LHX2: variants seen among roughly 807,000 people sequenced by gnomAD.
LHX2 encodes the protein LIM/homeobox protein Lhx2.
LHX2 carries 6 observed loss-of-function variants against 33.0 expected under a neutral mutation model. The observed-to-expected ratio is 0.18, with a 90% CI of 0.10 to 0.36. The LOEUF (loss-of-function observed/expected upper bound fraction) is 0.36. Among genes scored for constraint, LHX2 ranks in the 10% least tolerant of loss-of-function variants. The pLI, the probability that LHX2 is intolerant of heterozygous loss-of-function variation, is 1.00. For synonymous variants in LHX2, 292 were observed against 253.1 expected (o/e 1.15, Z -1.46); for missense variants, 442 against 586.2 (o/e 0.75, Z 2.54).
intron 4 of LHX2, among the ~76,000 whole-genome samples, chr9:124,026,369 G>A (rs1337437523): frequency 6.6e-6 from 1 of 151,944 alleles, no homozygotes; most frequent in African/African-American, 2.4e-5. Context: ...GAGGCAGGAG[G>A]AGGATCGCTT....
chr9:124,030,240 C>A (rs1469225615), intron 4 of LHX2, among the ~76,000 whole-genome samples: 1 of 152,242 alleles, frequency 6.6e-6, no homozygotes. Flanking sequence ...AGGCCACAGG[C>A]CCCTGCAGCC....
In LHX2 at chr9:124,012,270, A is replaced by T; in HGVS notation, c.-79A>T. The T allele has an allele frequency of 7.5e-7, 1 of 1,334,142 alleles. No homozygotes were observed. The highest frequency in any genetic ancestry group is 1.6e-5 in the African/African-American group (1 of 64,142). 82.6% of individuals were successfully genotyped at this position (1,334,142 alleles called of 1,614,324 possible). On this transcript the variant is annotated 5_prime_UTR_variant, in exon 1 of 5. Coordinates refer to ENST00000373615, the MANE Select transcript of LHX2 (RefSeq NM_004789.4). This position sits in a 1 kb window ranked among gnomAD's most constrained non-coding sequence, Gnocchi z 4.3. Reference sequence around the variant, plus strand: ...GCGATGCACCGGGCCCGTTAGCGCCAGGAGCGCCAGGCAGCTGAGGCGGGG... The same window carrying T: ...GCGATGCACCGGGCCCGTTAGCGCCTGGAGCGCCAGGCAGCTGAGGCGGGG...
At position 124,032,861 on chromosome 9, in the gene LHX2, C is replaced by T. The variant is rs995207680; in HGVS notation, c.*154C>T. On this transcript the variant is annotated 3_prime_UTR_variant, in exon 5 of 5. Transcript: ENST00000373615. This position sits in a 1 kb window ranked among gnomAD's most constrained non-coding sequence, Gnocchi z 4.1. ...GAGGTAAAAAAAAGAAGTGTGCGCC[C>T]GGCTAATGCAGCGGTGTGGACCGAG... 2.5e-6 allele frequency: 2 copies of T among 801,288 alleles called. No individual in the cohort carries two copies. The highest frequency in any genetic ancestry group is 2.1e-5 in the South Asian group (1 of 48,448). 49.6% of individuals were successfully genotyped at this position (801,288 alleles called of 1,614,324 possible). A position where few individuals can be genotyped will look rare whatever the true frequency, so the allele number is the denominator to read the frequency against.
At chr9:124,028,454 CA>C (rs1828661169) in intron 4 of LHX2, among the ~76,000 whole-genome samples, 1 of 152,158 alleles carries the variant, frequency 6.6e-6, no homozygotes, top group Admixed American at 6.5e-5. Flanking sequence ...TTGTTGCTTG[CA>C]GCTGCCTAAG....
rs753512234 is a variant in LHX2 at position 124,015,213 on chromosome 9, A to C, written c.415A>C (p.Asn139His). The change falls in exon 3 of 5, where the codon AAC becomes CAC. Residue 139 changes from asparagine (N) to histidine (H), a missense_variant. By Grantham distance (68) the Asn-to-His change is moderately conservative (BLOSUM62 1). Around this residue, in one of 5 missense-constraint regions of LHX2, gnomAD observed 72 missense variants for 171.6 expected, o/e 0.42. Transcript: ENST00000373615. The surrounding 1 kb of genome is among the most constrained non-coding windows in gnomAD (Gnocchi z 7.9). ...CGCTCGGGACTTGGTTTATCACCTC[A>C]ACTGCTTCACGTGCACCACGTGTAA... is the stretch of plus-strand genomic sequence containing the variant. ...MRARDLVYHL[N>H]CFTCTTCNKM... 6.2e-7 allele frequency: 1 copy of C among 1,614,134 alleles called. No individual in the cohort carries two copies. The highest frequency in any genetic ancestry group is 8.5e-7 in the Non-Finnish European group (1 of 1,180,012).
At chr9:124,028,402 C>T (rs1180683737) in intron 4 of LHX2, among the ~76,000 whole-genome samples, 3 of 152,166 alleles carry the variant, frequency 2.0e-5, no homozygotes, top group Non-Finnish European at 2.9e-5. Flanking sequence ...AAAGAGAAGG[C>T]CTGTCAGTTT....
chr9:124,021,002 A>T, intron 3 of LHX2, 97 bp from the exon 4 acceptor site: 1 of 1,056,930 alleles, frequency 9.5e-7, no homozygotes, highest in Non-Finnish European at 1.4e-6. Flanking sequence ...CAGCAGGGTT[A>T]AGGATTGAAA....
intron 4 of LHX2, among the ~76,000 whole-genome samples, chr9:124,025,214 G>A (rs1001108708): frequency 3.3e-5 from 5 of 152,100 alleles, no homozygotes; most frequent in Admixed American, 6.5e-5. Flanking sequence ...AGGCCGAGGC[G>A]GGCGGATTAC....
chr9:124,028,548 A>G (rs1220893136), intron 4 of LHX2, among the ~76,000 whole-genome samples: 2 of 152,192 alleles, frequency 1.3e-5, no homozygotes, highest in Non-Finnish European at 2.9e-5. Context: ...GAAGAAACTG[A>G]GGCCGGTCCA....
At chr9:124,030,413 C>G (rs1032382186) in intron 4 of LHX2, among the ~76,000 whole-genome samples, 3 of 152,088 alleles carry the variant, frequency 2.0e-5, no homozygotes, top group Non-Finnish European at 2.9e-5. Flanking sequence ...AGGCTTCTGG[C>G]GGGTGTTTTC....
chr9:124,032,566 C>G lies in LHX2; in HGVS notation c.1080C>G (p.Pro360=). The G allele has an allele frequency of 6.2e-7, 1 of 1,614,168 alleles. No individual in the cohort carries two copies. The highest frequency in any genetic ancestry group is 1.3e-5 in the African/African-American group (1 of 75,044). The part of the protein sequence containing the change: ...ASELSNASLS[P]SSTPTTLTDL... The stretch of plus-strand genomic sequence containing the variant: ...AGCTCTCCAACGCCTCGCTCAGCCC[C>G]TCCAGCACGCCCACCACCCTGACAG... Residue 360 remains proline, a synonymous_variant, in exon 5 of 5, where the codon CCC becomes CCG. Transcript: ENST00000373615. The surrounding 1 kb of genome is among the most constrained non-coding windows in gnomAD (Gnocchi z 4.1).
chr9:124,013,697 G>A (rs925902186), intron 1 of LHX2, among the ~76,000 whole-genome samples: 3 of 152,286 alleles, frequency 2.0e-5, no homozygotes, highest in Non-Finnish European at 2.9e-5. Flanking sequence ...AGGAAGAGAG[G>A]TAAGCACCAG....
In LHX2 at chr9:124,011,934, C is replaced by G. The variant is rs1335698029; in HGVS notation, c.-415C>G. On this transcript the variant is annotated 5_prime_UTR_variant, in exon 1 of 5. Coordinates refer to ENST00000373615, the MANE Select transcript of LHX2 (RefSeq NM_004789.4). Reference sequence around the variant, plus strand: ...ACACCTAGCGGCTTCAGGGTGAACCCCGACCGCAGCCGTCGCCGCCTCGGG... The same window carrying G: ...ACACCTAGCGGCTTCAGGGTGAACCGCGACCGCAGCCGTCGCCGCCTCGGG... 1 of 152,158 alleles carries G rather than the reference C, an allele frequency of 6.6e-6. No individual in the cohort carries two copies. Among genetic ancestry groups the G allele is most frequent in the Non-Finnish European group, 1.5e-5 (1 of 68,050 alleles). The allele number at this position is 152,158 out of a possible 1,614,324, so 9.4% of individuals were successfully genotyped here. A position where few individuals can be genotyped will look rare whatever the true frequency, so the allele number is the denominator to read the frequency against.
Position 124,015,522 on chromosome 9 carries a change from G to A in LHX2, c.724G>A (p.Ala242Thr), listed in dbSNP as rs762679057. 37 of 1,459,302 alleles carry A rather than the reference G, an allele frequency of 2.5e-5. No homozygotes were observed. In the Admixed American group the frequency reaches 9.3e-4, roughly 37 times the overall value. The allele number at this position is 1,459,302 out of a possible 1,614,324, so 90.4% of individuals were successfully genotyped here. A position where few individuals can be genotyped will look rare whatever the true frequency, so the allele number is the denominator to read the frequency against. The part of the protein sequence containing the change: ...GPGADLAAYN[A>T]ALSCNENDAE... ...CGGTGCGGATCTGGCGGCCTACAAC[G>A]CTGGTGAGTGCGCGGCGCACGAAGC... is the stretch of plus-strand genomic sequence containing the variant. Residue 242 changes from alanine to threonine, a missense_variant, in exon 3 of 5, where the codon GCT (alanine) becomes ACT (threonine). Coordinates refer to ENST00000373615, the MANE Select transcript of LHX2 (RefSeq NM_004789.4). This position sits in a 1 kb window ranked among gnomAD's most constrained non-coding sequence, Gnocchi z 7.9.
Position 124,012,545 on chromosome 9 carries a change from T to C in LHX2, c.120+77T>C. ...AGTCAGCGCCTCTGCTCCCCGAAGT[T>C]TGGGGAGCGTCCTTCGTGCCGCACG... On this transcript the variant is annotated intron_variant, in intron 1 of 4. Coordinates refer to ENST00000373615, the MANE Select transcript of LHX2 (RefSeq NM_004789.4). The surrounding 1 kb of genome is among the most constrained non-coding windows in gnomAD (Gnocchi z 4.3). 7.2e-7 allele frequency: 1 copy of C among 1,379,962 alleles called. No individual in the cohort carries two copies. Among genetic ancestry groups the C allele is most frequent in the Non-Finnish European group, 9.4e-7 (1 of 1,061,940 alleles). 85.5% of individuals were successfully genotyped at this position (1,379,962 alleles called of 1,614,324 possible). A position where few individuals can be genotyped will look rare whatever the true frequency, so the allele number is the denominator to read the frequency against.
intron 3 of LHX2, among the ~76,000 whole-genome samples, chr9:124,017,784 G>A (rs558856729): frequency 7.3e-5 from 11 of 151,542 alleles, no homozygotes; most frequent in South Asian, 4.2e-4. Flanking sequence ...TTACAGCAGA[G>A]CCGCGGGCCG....
At position 124,028,607 on chromosome 9, in the gene LHX2, C is replaced by G. The variant is rs141685452; in HGVS notation, c.934-3813C>G. On this transcript the variant is annotated intron_variant, in intron 4 of 4. Coordinates refer to ENST00000373615, the MANE Select transcript of LHX2 (RefSeq NM_004789.4). ...CACGTGGTAGTCCCAGGACTGGAAG[C>G]TGCTCTTTCCACTGCACTATAGTTG... is the stretch of plus-strand genomic sequence containing the variant. 1.8e-3 allele frequency among the ~76,000 whole-genome samples: 276 copies of G among 152,300 alleles called. 1 individual carries two copies. Among genetic ancestry groups the G allele is most frequent in the African/African-American group, 6.3e-3 (260 of 41,566 alleles).
intron 3 of LHX2, 150 bp from the exon 4 acceptor site, chr9:124,020,949 T>A: frequency 1.4e-6 from 1 of 694,346 alleles, no homozygotes; most frequent in Non-Finnish European, 2.4e-6. Context: ...TTTCCATCTA[T>A]AAAATGGGGA....
At chr9:124,019,562 G>A (rs147405621) in intron 3 of LHX2, among the ~76,000 whole-genome samples, 130 of 152,344 alleles carry the variant, frequency 8.5e-4, no homozygotes, top group African/African-American at 2.8e-3. Context: ...TAGCATAGCT[G>A]TGTCACCTGT....
Sources: allele counts gnomAD v4.1 joint callset (sites outside exome capture counted in the v4.1 genomes callset), GRCh38; gene constraint gnomAD v4.1.1; regional missense constraint gnomAD v4.1.1; non-coding constraint Gnocchi (gnomAD v3.1); transcripts MANE v1.5; gene names NCBI Gene and HGNC (gene_info 2026-07-23, HGNC 2026-07-21).